The following GPHN variants were observed in gnomAD, a reference collection of about 807,000 sequenced individuals.
GPHN encodes gephyrin.
In GPHN, 17 loss-of-function variants were observed where a neutral mutation model predicts 95.5. The observed-to-expected ratio is 0.18, with a 90% confidence interval of 0.12 to 0.27. GPHN has a LOEUF of 0.27. Among genes scored for constraint, GPHN ranks in the 10% least tolerant of loss-of-function variants. GPHN has a pLI of 1.00. For synonymous variants in GPHN, 320 were observed against 322.5 expected, an observed-to-expected ratio of 0.99 and a Z score of 0.08; for missense variants, 660 against 978.1, an observed-to-expected ratio of 0.67 and a Z score of 4.34.
At chr14:67,702,915 G>C in the GPHN span, among the ~76,000 whole-genome samples, 1 of 152,214 alleles carries the variant, frequency 6.6e-6, no homozygotes, top group African/African-American at 2.4e-5. Flanking sequence ...CCAGGCTCAA[G>C]TGATTCTCCC....
intron 2 of GPHN, among the ~76,000 whole-genome samples, chr14:66,750,382 C>CT (rs1370596227): frequency 1.3e-5 from 2 of 151,840 alleles, no homozygotes; most frequent in Admixed American, 6.6e-5. Context: ...TATCACTACT[C>CT]TCATACTAAA....
At chr14:67,507,067 C>T in the GPHN span, among the ~76,000 whole-genome samples, 1 of 152,104 alleles carries the variant, frequency 6.6e-6, no homozygotes, top group Non-Finnish European at 1.5e-5. Context: ...ATTCCATGAA[C>T]AAAGAAGACG....
At chr14:67,133,471 CAG>C (rs991619807) in intron 17 of GPHN, among the ~76,000 whole-genome samples, 1 of 152,090 alleles carries the variant, frequency 6.6e-6, no homozygotes, top group Non-Finnish European at 1.5e-5. Context: ...AAAACCAAGA[CAG>C]AGCCTTTACC....
the GPHN span, chr14:67,323,631 T>C: frequency 7.8e-5 from 30 of 384,936 alleles, no homozygotes; most frequent in South Asian, 8.7e-4. Flanking sequence ...TATATATATA[T>C]ATATATCAGT....
At chr14:67,675,207 A>G in the GPHN span, among the ~76,000 whole-genome samples, 3 of 152,072 alleles carry the variant, frequency 2.0e-5, no homozygotes, top group Non-Finnish European at 1.5e-5. Flanking sequence ...CGGCTCCCCA[A>G]GCTTTCAGAA....
At chr14:66,905,193 G>T (rs2065317321) in intron 5 of GPHN, among the ~76,000 whole-genome samples, 1 of 152,036 alleles carries the variant, frequency 6.6e-6, no homozygotes, top group East Asian at 1.9e-4. Flanking sequence ...TCCTCTGCTT[G>T]ATCCATTCTA....
intron 1 of GPHN, among the ~76,000 whole-genome samples, chr14:66,642,732 T>A (rs28470619): frequency 0.34 from 51,842 of 151,846 alleles, 13,408 homozygotes; most frequent in African/African-American, 0.7. Context: ...CATATATGCT[T>A]CTACCTGATT....
intron 1 of GPHN, among the ~76,000 whole-genome samples, chr14:66,534,099 A>ATGAAT (rs1467132516): frequency 6.6e-6 from 1 of 152,196 alleles, no homozygotes; most frequent in Non-Finnish European, 1.5e-5. Flanking sequence ...ATACATCCAT[A>ATGAAT]TGAATTGCTT....
At chr14:66,563,678 C>A (rs1027213010) in intron 1 of GPHN, among the ~76,000 whole-genome samples, 5 of 152,272 alleles carry the variant, frequency 3.3e-5, no homozygotes, top group African/African-American at 1.2e-4. Context: ...AGTTCATTTT[C>A]AGTATCCCGT....
intron 4 of GPHN, among the ~76,000 whole-genome samples, chr14:66,826,490 G>T (rs910433814): frequency 6.6e-6 from 1 of 152,046 alleles, no homozygotes; most frequent in African/African-American, 2.4e-5. Context: ...TTGCCTTCAC[G>T]TCACATGCCA....
At chr14:66,571,141 A>G (rs558903369) in intron 1 of GPHN, among the ~76,000 whole-genome samples, 3 of 152,314 alleles carry the variant, frequency 2.0e-5, no homozygotes, top group East Asian at 3.9e-4. Context: ...GGGAGGCCTC[A>G]GGAAACTTAA....
the GPHN span, among the ~76,000 whole-genome samples, chr14:67,491,953 G>A: frequency 3.9e-5 from 6 of 152,234 alleles, no homozygotes; most frequent in East Asian, 3.9e-4. Flanking sequence ...CCAACCCCAC[G>A]GGGCCCTGTC....
chr14:66,872,914 C>G (rs1381624901), intron 4 of GPHN, among the ~76,000 whole-genome samples: 1 of 151,432 alleles, frequency 6.6e-6, no homozygotes, highest in Non-Finnish European at 1.5e-5. Context: ...AAAGGGTGCC[C>G]TATCCTAAAA....
the GPHN span, chr14:67,600,163 C>A: frequency 2.5e-6 from 4 of 1,588,832 alleles, no homozygotes; most frequent in East Asian, 2.3e-5. Context: ...CAGCGCCAGG[C>A]GGCCGCCGCA....
At chr14:67,395,229 C>A in the GPHN span, among the ~76,000 whole-genome samples, 3 of 152,078 alleles carry the variant, frequency 2.0e-5, no homozygotes, top group African/African-American at 7.2e-5. Flanking sequence ...GGGCCACTCC[C>A]AAGCAGAGAA....
At chr14:66,637,402 GAAGAT>G (rs1422860400) in intron 1 of GPHN, among the ~76,000 whole-genome samples, 1 of 152,034 alleles carries the variant, frequency 6.6e-6, no homozygotes, top group African/African-American at 2.4e-5. Flanking sequence ...CTTTTCTTAA[GAAGAT>G]AAGATTAAAA....
chr14:67,369,779 C>G, the GPHN span, among the ~76,000 whole-genome samples: 14 of 152,106 alleles, frequency 9.2e-5, no homozygotes, highest in Non-Finnish European at 2.1e-4. Flanking sequence ...GAATAAAGAT[C>G]TAAAACAGTT....
the GPHN span, chr14:67,663,054 G>A: frequency 4.1e-6 from 6 of 1,457,340 alleles, no homozygotes; most frequent in South Asian, 2.9e-5. Flanking sequence ...GCTGTCTGGT[G>A]TGGTGCTTGT....
the GPHN span, among the ~76,000 whole-genome samples, chr14:67,190,439 T>C: frequency 6.6e-6 from 1 of 151,898 alleles, no homozygotes; most frequent in African/African-American, 2.4e-5. Context: ...GCCAGGCTGG[T>C]CTCGAACTCC....
Sources: gnomAD v4.1 joint callset for allele counts (sites outside exome capture counted in the v4.1 genomes callset) on GRCh38, gnomAD v4.1.1 for gene constraint, MANE v1.5 for transcripts, NCBI Gene and HGNC (gene_info 2026-07-23, HGNC 2026-07-21) for gene names.